The following CD244 variants were observed in gnomAD, a reference collection of about 807,000 sequenced individuals.
CD244 encodes CD244 molecule.
Under a neutral mutation model 45.5 loss-of-function variants are expected in CD244, and 20 were observed. The ratio of observed to expected loss-of-function variants is 0.44; its 90% CI spans 0.31 to 0.64. The LOEUF (loss-of-function observed/expected upper bound fraction) is 0.64. CD244 is among the 30% of genes least tolerant of loss of function. The probability of loss-of-function intolerance (pLI) is 0.08; values close to 1 mark genes in which losing one functional copy is unlikely to be tolerated. For synonymous variants in CD244, 185 were observed against 160.5 expected, an observed-to-expected ratio of 1.15 and a Z score of -1.15; for missense variants, 407 against 426.9, an observed-to-expected ratio of 0.95 and a Z score of 0.41.
At chr1:160,847,152 G>A (rs549565) in intron 1 of CD244, among the ~76,000 whole-genome samples, 58,703 of 151,668 alleles carry the variant, frequency 0.39, 11,825 homozygotes, top group East Asian at 0.54. Flanking sequence ...CAATTAAGTA[G>A]GAATAAACAA....
At chr1:160,836,150 C>T (rs748380625) in intron 6 of CD244, 45 bp downstream of exon 6, 38 of 1,453,926 alleles carry the variant, frequency 2.6e-5, no homozygotes, top group East Asian at 4.5e-5. Flanking sequence ...CATTAGGAAA[C>T]CCCAGAGATA....
At chr1:160,834,337 A>G (rs767112868) in intron 6 of CD244, among the ~76,000 whole-genome samples, 3 of 152,076 alleles carry the variant, frequency 2.0e-5, no homozygotes, top group Non-Finnish European at 4.4e-5. Context: ...TTATACATGT[A>G]TTCTCCTCTA....
At chr1:160,849,079 A>T (rs1402874357) in intron 1 of CD244, among the ~76,000 whole-genome samples, 2 of 152,156 alleles carry the variant, frequency 1.3e-5, no homozygotes, top group African/African-American at 4.8e-5. Context: ...TTAGTGTCTG[A>T]ACTGAATTGG....
At chr1:160,857,909 TG>T (rs1170224852) in intron 1 of CD244, among the ~76,000 whole-genome samples, 4 of 151,478 alleles carry the variant, frequency 2.6e-5, no homozygotes, top group Admixed American at 2.6e-4. Flanking sequence ...AAGCCAAGTG[TG>T]GTGATACATG....
At chr1:160,862,351 G>A (rs1001808637) in intron 1 of CD244, among the ~76,000 whole-genome samples, 18 of 152,148 alleles carry the variant, frequency 1.2e-4, no homozygotes, top group Non-Finnish European at 2.2e-4. Flanking sequence ...TACACGGAAG[G>A]GTAAATTGAA....
At chr1:160,834,999 T>A (rs1177460260) in intron 6 of CD244, among the ~76,000 whole-genome samples, 1 of 152,250 alleles carries the variant, frequency 6.6e-6, no homozygotes, top group Non-Finnish European at 1.5e-5. Flanking sequence ...TCAATGTGGC[T>A]GAAACTAGAG....
Position 160,831,063 on chromosome 1 carries a change from T to A in CD244, c.*284A>T. On this transcript the variant is annotated 3_prime_UTR_variant, in exon 9 of 9. Transcript: ENST00000368034. ...CTCGATGCTAATAACATCACTTACA[T>A]AACACTTTCTAGATTACAAATACTT... The A allele has an allele frequency of 3.3e-6, 1 of 300,846 alleles. No homozygotes were observed. Among genetic ancestry groups the A allele is most frequent in the Non-Finnish European group, 6.2e-6 (1 of 160,332 alleles). The allele number at this position is 300,846 out of a possible 1,614,324, so 18.6% of individuals were successfully genotyped here. A position where few individuals can be genotyped will look rare whatever the true frequency, so the allele number is the denominator to read the frequency against.
At chr1:160,859,902 C>A (rs751930390) in intron 1 of CD244, among the ~76,000 whole-genome samples, 1 of 151,936 alleles carries the variant, frequency 6.6e-6, no homozygotes, top group African/African-American at 2.4e-5. Flanking sequence ...AGAACCAGAT[C>A]CTCTCTTGAA....
intron 1 of CD244, among the ~76,000 whole-genome samples, chr1:160,843,397 C>A (rs541983386): frequency 6.6e-6 from 1 of 152,258 alleles, no homozygotes; most frequent in East Asian, 1.9e-4. Flanking sequence ...ACCCTGAGAA[C>A]AAAGGTGAAT....
intron 1 of CD244, among the ~76,000 whole-genome samples, chr1:160,851,437 A>T (rs1165628946): frequency 3.9e-5 from 6 of 152,176 alleles, no homozygotes; most frequent in Non-Finnish European, 7.3e-5. Context: ...TATCACACAA[A>T]CCAACACATA....
chr1:160,836,141 A>C, intron 6 of CD244, 54 bp downstream of exon 6: 3 of 1,353,936 alleles, frequency 2.2e-6, no homozygotes, highest in Non-Finnish European at 3.2e-6. Context: ...TCAGGGGGGC[A>C]TTAGGAAACC....
At chr1:160,843,638 A>T (rs1669624269) in intron 1 of CD244, among the ~76,000 whole-genome samples, 1 of 152,246 alleles carries the variant, frequency 6.6e-6, no homozygotes, top group Admixed American at 6.5e-5. Flanking sequence ...TAATTATGTA[A>T]TGAAAATCCA....
chr1:160,843,771 T>C (rs1168884382), intron 1 of CD244, among the ~76,000 whole-genome samples: 2 of 152,148 alleles, frequency 1.3e-5, no homozygotes, highest in Admixed American at 1.3e-4. Context: ...ATGGGGCCAA[T>C]ATCTGGAAGA....
chr1:160,841,503 G>T lies in CD244; in HGVS notation c.380-18C>A, dbSNP rs1557835638. Reference sequence around the variant, plus strand: ...AACTTTATCTGGAAGCAGAGATTCTGATCAGAAAGGCATTGGAAATACAGA... The same window carrying T: ...AACTTTATCTGGAAGCAGAGATTCTTATCAGAAAGGCATTGGAAATACAGA... On this transcript the variant is annotated intron_variant, in intron 2 of 8. Coordinates refer to ENST00000368034, the MANE Select transcript of CD244 (RefSeq NM_016382.4). 6.2e-7 allele frequency: 1 copy of T among 1,613,692 alleles called. No individual in the cohort carries two copies. The highest frequency in any genetic ancestry group is 8.5e-7 in the Non-Finnish European group (1 of 1,179,838).
intron 1 of CD244, among the ~76,000 whole-genome samples, chr1:160,852,369 G>A (rs1441165263): frequency 1.3e-5 from 2 of 152,056 alleles, no homozygotes; most frequent in African/African-American, 4.8e-5. Flanking sequence ...GGCCAACATG[G>A]TGAAACCCCA....
intron 1 of CD244, among the ~76,000 whole-genome samples, chr1:160,862,123 G>C (rs950011530): frequency 6.6e-6 from 1 of 152,156 alleles, no homozygotes; most frequent in African/African-American, 2.4e-5. Flanking sequence ...TGAAGAAGCC[G>C]GGGAGATGAG....
At chr1:160,833,110 A>G (rs1669194947) in intron 7 of CD244, among the ~76,000 whole-genome samples, 1 of 152,120 alleles carries the variant, frequency 6.6e-6, no homozygotes, top group African/African-American at 2.4e-5. Context: ...CAAGGACACT[A>G]GAATTCAGAG....
chr1:160,836,720 C>T (rs1450486604), intron 5 of CD244, among the ~76,000 whole-genome samples: 2 of 152,170 alleles, frequency 1.3e-5, no homozygotes. Context: ...GTGCTGGGTG[C>T]AGCCCTGAAC....
intron 1 of CD244, among the ~76,000 whole-genome samples, chr1:160,847,673 G>T (rs970112187): frequency 1.3e-5 from 2 of 152,128 alleles, no homozygotes; most frequent in Non-Finnish European, 2.9e-5. Context: ...TATCAAATGT[G>T]CAATATAGCT....
Sources: allele counts gnomAD v4.1 joint callset (sites outside exome capture counted in the v4.1 genomes callset), GRCh38; gene constraint gnomAD v4.1.1; transcripts MANE v1.5; gene names NCBI Gene and HGNC (gene_info 2026-07-23, HGNC 2026-07-21).